KIAA1328: variants seen among roughly 807,000 people sequenced by gnomAD.
The protein encoded by KIAA1328 is KIAA1328.
Under a neutral mutation model 68.1 loss-of-function variants are expected in KIAA1328, and 52 were observed. That is an observed-to-expected ratio of 0.76 (90% CI 0.61 to 0.96). The LOEUF (loss-of-function observed/expected upper bound fraction) is 0.96. Among genes scored for constraint, KIAA1328 ranks in the 40% least tolerant of loss-of-function variants. The pLI, the probability that KIAA1328 is intolerant of heterozygous loss-of-function variation, is 0.00. For synonymous variants in KIAA1328, 232 were observed against 239.4 expected (o/e 0.97, Z 0.28); for missense variants, 641 against 677.6 (o/e 0.95, Z 0.60).
chr18:36,965,219 A>G (rs1431218107), intron 6 of KIAA1328, among the ~76,000 whole-genome samples: 1 of 152,034 alleles, frequency 6.6e-6, no homozygotes, highest in Non-Finnish European at 1.5e-5. Flanking sequence ...GGCAATGGAT[A>G]TTGAATTTCA....
intron 9 of KIAA1328, among the ~76,000 whole-genome samples, chr18:37,185,688 AAT>A (rs1199602349): frequency 7.3e-5 from 11 of 151,210 alleles, no homozygotes; most frequent in Admixed American, 7.3e-4. Flanking sequence ...GATATATTTA[AAT>A]ATATATATAC....
intron 6 of KIAA1328, among the ~76,000 whole-genome samples, chr18:36,972,784 C>T (rs533944787): frequency 1.3e-5 from 2 of 152,312 alleles, no homozygotes; most frequent in African/African-American, 2.4e-5. Flanking sequence ...AACTTCTCTT[C>T]CTCCCCTCTG....
chr18:37,134,905 A>G (rs1406895202), intron 7 of KIAA1328, among the ~76,000 whole-genome samples: 1 of 152,132 alleles, frequency 6.6e-6, no homozygotes, highest in Non-Finnish European at 1.5e-5. Flanking sequence ...CTTTATGTAC[A>G]GACTACCCAA....
At position 37,107,896 on chromosome 18, in the gene KIAA1328, G is replaced by A. The variant is rs891115573; in HGVS notation, c.1232+40351G>A. Among the ~76,000 whole-genome samples the A allele has an allele frequency of 4.6e-5, 7 of 151,272 alleles. No individual in the cohort carries two copies. In the East Asian group the frequency reaches 7.7e-4, roughly 17 times the overall value. ...AAAAAAAACAGATGCTGGCAAGCCC[G>A]TGGAGAAAATGGAACACATGTACAC... On this transcript the variant is annotated intron_variant, in intron 7 of 9. Coordinates refer to ENST00000280020, the MANE Select transcript of KIAA1328 (RefSeq NM_020776.3).
chr18:36,910,515 G>A (rs1290222432), intron 5 of KIAA1328, among the ~76,000 whole-genome samples: 1 of 152,128 alleles, frequency 6.6e-6, no homozygotes, highest in Non-Finnish European at 1.5e-5. Flanking sequence ...TGCTGTTTGG[G>A]TTACTGTGGC....
intron 5 of KIAA1328, among the ~76,000 whole-genome samples, chr18:36,916,967 A>C (rs938261284): frequency 7.9e-5 from 12 of 151,352 alleles, no homozygotes; most frequent in African/African-American, 2.4e-4. Flanking sequence ...AAGGTCCACT[A>C]TTAAAAACAA....
intron 6 of KIAA1328, among the ~76,000 whole-genome samples, chr18:37,016,323 A>G (rs143515755): frequency 3.8e-4 from 58 of 152,236 alleles, no homozygotes; most frequent in African/African-American, 1.2e-3. Flanking sequence ...TGTTGAACCA[A>G]CCTTGCATCC....
intron 5 of KIAA1328, among the ~76,000 whole-genome samples, chr18:36,954,051 G>A (rs1203677625): frequency 1.4e-5 from 2 of 138,658 alleles, no homozygotes; most frequent in Non-Finnish European, 3.0e-5. Context: ...GCCGGACTGC[G>A]GACTGCAGTG....
At chr18:37,150,449 G>C (rs1482343316) in intron 7 of KIAA1328, among the ~76,000 whole-genome samples, 2 of 151,986 alleles carry the variant, frequency 1.3e-5, no homozygotes, top group Non-Finnish European at 2.9e-5. Flanking sequence ...AGAACCACTG[G>C]ACTATAGGAA....
At chr18:36,833,866 C>G (rs552665963) in intron 1 of KIAA1328, among the ~76,000 whole-genome samples, 5 of 152,266 alleles carry the variant, frequency 3.3e-5, no homozygotes, top group African/African-American at 1.2e-4. Flanking sequence ...TTGACTTGCC[C>G]TCAGTGTTTG....
intron 4 of KIAA1328, among the ~76,000 whole-genome samples, chr18:36,883,706 A>G (rs1333698560): frequency 1.3e-5 from 2 of 152,144 alleles, no homozygotes; most frequent in Admixed American, 1.3e-4. Context: ...TACTCAACCT[A>G]TATACAACAT....
At chr18:36,871,702 G>A (rs1045207154) in intron 4 of KIAA1328, among the ~76,000 whole-genome samples, 16 of 152,064 alleles carry the variant, frequency 1.1e-4, no homozygotes, top group Middle Eastern at 3.4e-3. Flanking sequence ...GGAAGAGACC[G>A]CAAGCCTAGG....
intron 7 of KIAA1328, among the ~76,000 whole-genome samples, chr18:37,148,225 G>A (rs138642154): frequency 1.2e-4 from 18 of 152,182 alleles, no homozygotes; most frequent in Non-Finnish European, 2.2e-4. Flanking sequence ...GAGAACATGC[G>A]GTATTTGGCT....
chr18:37,116,431 A>G (rs907798663), intron 7 of KIAA1328, among the ~76,000 whole-genome samples: 30 of 152,274 alleles, frequency 2.0e-4, no homozygotes, highest in African/African-American at 6.7e-4. Flanking sequence ...TATTTAATAA[A>G]TGGTGCTGGG....
intron 7 of KIAA1328, among the ~76,000 whole-genome samples, chr18:37,113,497 T>A (rs916949826): frequency 6.6e-5 from 10 of 152,122 alleles, no homozygotes; most frequent in African/African-American, 2.4e-4. Context: ...TTACAAGAGC[T>A]CCTGAAGGAA....
chr18:37,185,809 C>A (rs565792057), intron 9 of KIAA1328, among the ~76,000 whole-genome samples: 4 of 151,614 alleles, frequency 2.6e-5, no homozygotes, highest in Non-Finnish European at 5.9e-5. Context: ...GCCCTCCCCC[C>A]CAAAAAAAAA....
At chr18:37,066,647 A>G (rs2056347434) in intron 6 of KIAA1328, among the ~76,000 whole-genome samples, 1 of 152,256 alleles carries the variant, frequency 6.6e-6, no homozygotes, top group African/African-American at 2.4e-5. Flanking sequence ...ATGCTTAAGC[A>G]ACATGTAGCA....
intron 6 of KIAA1328, among the ~76,000 whole-genome samples, chr18:37,038,213 T>A (rs1187258573): frequency 6.6e-6 from 1 of 152,218 alleles, no homozygotes; most frequent in African/African-American, 2.4e-5. Context: ...TGCAAGCTTT[T>A]AGCTTGCTTA....
intron 6 of KIAA1328, among the ~76,000 whole-genome samples, chr18:36,969,738 G>A (rs1029520100): frequency 8.6e-5 from 13 of 152,040 alleles, no homozygotes; most frequent in African/African-American, 7.2e-5. Flanking sequence ...CTACTGAAAC[G>A]ATTCTAACAA....
Sources: gnomAD v4.1 joint callset for allele counts (sites outside exome capture counted in the v4.1 genomes callset) on GRCh38, gnomAD v4.1.1 for gene constraint, MANE v1.5 for transcripts, NCBI Gene and HGNC (gene_info 2026-07-23, HGNC 2026-07-21) for gene names.